The following YTHDF2 variants were observed in gnomAD, a reference collection of about 807,000 sequenced individuals.
The protein encoded by YTHDF2 is YTH N6-methyladenosine RNA binding protein F2, also known as YTH domain-containing family protein 2.
A neutral mutation model predicts 50.4 loss-of-function variants in YTHDF2; 2 were observed. That is an observed-to-expected ratio of 0.04 (90% CI 0.02 to 0.12). The LOEUF (loss-of-function observed/expected upper bound fraction) is 0.12, where lower values mean the gene tolerates loss of function less well. Among genes scored for constraint, YTHDF2 ranks in the 10% least tolerant of loss-of-function variants. The probability of loss-of-function intolerance (pLI) is 1.00; values close to 1 mark genes in which losing one functional copy is unlikely to be tolerated. For missense variants in YTHDF2, 483 were observed against 722.6 expected, an observed-to-expected ratio of 0.67 and a Z score of 3.80; for synonymous variants, 217 against 255.6, an observed-to-expected ratio of 0.85 and a Z score of 1.44.
chr1:28,762,049 C>A (rs2088143615), intron 4 of YTHDF2, among the ~76,000 whole-genome samples: 1 of 152,034 alleles, frequency 6.6e-6, no homozygotes, highest in African/African-American at 2.4e-5. Context: ...TTCTATTAAA[C>A]CATATCAAGC....
At chr1:28,755,912 T>G (rs1237382942) in intron 4 of YTHDF2, among the ~76,000 whole-genome samples, 2 of 152,130 alleles carry the variant, frequency 1.3e-5, no homozygotes, top group African/African-American at 2.4e-5. Context: ...GAATTTCAGA[T>G]AGGGGATACA....
At chr1:28,758,399 G>C (rs563421562) in intron 4 of YTHDF2, among the ~76,000 whole-genome samples, 1 of 152,258 alleles carries the variant, frequency 6.6e-6, no homozygotes, top group African/African-American at 2.4e-5. Context: ...TGCTAACTGT[G>C]TTTTAGTATC....
In YTHDF2 at chr1:28,743,470, C is replaced by T. The variant is rs776814236; in HGVS notation, c.1200C>T (p.Pro400=). The change falls in exon 4 of 5, where the codon CCC becomes CCT. Residue 400 remains proline, a synonymous_variant. Transcript: ENST00000373812. The surrounding 1 kb of genome is among the most constrained non-coding windows in gnomAD (Gnocchi z 6.9). ...TTCGGTCCATTAATAACTATAACCC[C>T]AAAGATTTTGACTGGAATCTGAAAC... ...EKLRSINNYN[P]KDFDWNLKHG... is the part of the protein sequence containing the mutation. 3.1e-6 allele frequency: 5 copies of T among 1,614,144 alleles called. No homozygotes were observed. The Admixed American group carries it at 8.3e-5, about 27-fold the overall frequency.
intron 4 of YTHDF2, among the ~76,000 whole-genome samples, chr1:28,749,989 T>TG (rs2087925801): frequency 7.1e-6 from 1 of 141,434 alleles, no homozygotes; most frequent in Admixed American, 7.1e-5. Context: ...AAAGGTTGTT[T>TG]TTTTTTTTTT....
chr1:28,764,277 T>A (rs2088183687), intron 4 of YTHDF2, among the ~76,000 whole-genome samples: 1 of 147,740 alleles, frequency 6.8e-6, no homozygotes, highest in Admixed American at 6.8e-5. Context: ...TTTATTTTTA[T>A]TTTTATTTTT....
chr1:28,751,754 G>A (rs1305851732), intron 4 of YTHDF2, among the ~76,000 whole-genome samples: 1 of 152,182 alleles, frequency 6.6e-6, no homozygotes, highest in Non-Finnish European at 1.5e-5. Flanking sequence ...GAAGCAGAGG[G>A]TTTTAGGAGG....
chr1:28,757,149 C>T (rs758293507), intron 4 of YTHDF2, among the ~76,000 whole-genome samples: 25 of 152,214 alleles, frequency 1.6e-4, no homozygotes, highest in African/African-American at 6.0e-4. Context: ...ACTGATTTAA[C>T]TCCAGTTAGC....
In YTHDF2 at chr1:28,743,022, C is replaced by T. The variant is rs1385899708; in HGVS notation, c.752C>T (p.Pro251Leu). 1.2e-6 allele frequency: 2 copies of T among 1,614,198 alleles called. No homozygotes were observed. Among genetic ancestry groups the T allele is most frequent in the East Asian group, 2.2e-5 (1 of 44,888 alleles). Residue 251 changes from proline to leucine, a missense_variant, in exon 4 of 5, where the codon CCT (proline) becomes CTT (leucine). By Grantham distance (98) the Pro-to-Leu change is moderately conservative (BLOSUM62 -3). Around this residue, in one of 4 missense-constraint regions of YTHDF2, gnomAD observed 385 missense variants for 475.8 expected, o/e 0.81. Coordinates refer to ENST00000373812, the MANE Select transcript of YTHDF2 (RefSeq NM_016258.3). The surrounding 1 kb of genome is among the most constrained non-coding windows in gnomAD (Gnocchi z 6.9). ...DIASKPAKQQ[P>L]KLKTKNGIAG... is the part of the protein sequence containing the mutation. ...GCTAGCAAGCCTGCAAAACAGCAAC[C>T]TAAACTGAAGACCAAGAATGGCATT...
Position 28,769,561 on chromosome 1 carries a change from G to A in YTHDF2, c.*609G>A, listed in dbSNP as rs184502359. ...GAGTCCTAAGAAATGTTCTGTTCTT[G>A]TACATTATACTGATTAAGTCAGGAT... On this transcript the variant is annotated 3_prime_UTR_variant, in exon 5 of 5. Coordinates refer to ENST00000373812, the MANE Select transcript of YTHDF2 (RefSeq NM_016258.3). 6.6e-6 allele frequency: 1 copy of A among 152,610 alleles called. No individual in the cohort carries two copies. The highest frequency in any genetic ancestry group is 1.5e-5 in the Non-Finnish European group (1 of 68,050). The allele number at this position is 152,610 out of a possible 1,614,324, so 9.5% of individuals were successfully genotyped here. A position where few individuals can be genotyped will look rare whatever the true frequency, so the allele number is the denominator to read the frequency against.
At chr1:28,760,267 T>C (rs1424766899) in intron 4 of YTHDF2, among the ~76,000 whole-genome samples, 1 of 135,000 alleles carries the variant, frequency 7.4e-6, no homozygotes, top group Non-Finnish European at 1.5e-5. Flanking sequence ...AATAACATAG[T>C]AGGTTGTGTG....
rs2087699448 is a variant in YTHDF2, at chr1:28,737,062, C to T, written c.-59C>T. ...GCTCCCGCAGACGGGGCTCATCTGC[C>T]GCCGCCGCCGCGCTGAGGAGAGTTC... On this transcript the variant is annotated 5_prime_UTR_variant, in exon 1 of 5. Transcript: ENST00000373812. 2.8e-6 allele frequency: 4 copies of T among 1,423,048 alleles called. No homozygotes were observed. The highest frequency in any genetic ancestry group is 1.5e-5 in the South Asian group (1 of 67,782). The allele number at this position is 1,423,048 out of a possible 1,614,324, so 88.2% of individuals were successfully genotyped here.
In YTHDF2 at chr1:28,737,277, C is replaced by T. The variant is rs543068726; in HGVS notation, c.27+130C>T. ...GTCTCTTGCGGGCCAGGTTTCGGGC[C>T]TCTCAGGCCGGCCGCGCCCGGCGCC... On this transcript the variant is annotated intron_variant, in intron 1 of 4. Coordinates refer to ENST00000373812, the MANE Select transcript of YTHDF2 (RefSeq NM_016258.3). 232 of 1,261,796 alleles carry T rather than the reference C, an allele frequency of 1.8e-4. No homozygotes were observed. The African/African-American group carries it at 3.2e-3, about 18-fold the overall frequency. The allele number at this position is 1,261,796 out of a possible 1,614,324, so 78.2% of individuals were successfully genotyped here. A position where few individuals can be genotyped will look rare whatever the true frequency, so the allele number is the denominator to read the frequency against.
At chr1:28,737,219 G>T (rs1570457498) in intron 1 of YTHDF2, 72 bp downstream of exon 1, 1 of 1,498,028 alleles carries the variant, frequency 6.7e-7, no homozygotes, top group East Asian at 2.7e-5. Context: ...CGGGCCCGCC[G>T]CTCCTGGGCA....
intron 4 of YTHDF2, among the ~76,000 whole-genome samples, chr1:28,747,518 T>G (rs1373767817): frequency 7.8e-6 from 1 of 128,284 alleles, no homozygotes; most frequent in Non-Finnish European, 1.7e-5. Flanking sequence ...AGAGCAAAAC[T>G]TGTCTAAAAA....
At chr1:28,749,986 G>T (rs140945277) in intron 4 of YTHDF2, among the ~76,000 whole-genome samples, 945 of 78,362 alleles carry the variant, frequency 0.012, 7 homozygotes, top group African/African-American at 0.036. Flanking sequence ...AAAAAAGGTT[G>T]TTTTTTTTTT....
At chr1:28,748,971 G>A (rs2087906436) in intron 4 of YTHDF2, among the ~76,000 whole-genome samples, 1 of 152,126 alleles carries the variant, frequency 6.6e-6, no homozygotes, top group Admixed American at 6.5e-5. Context: ...GTAGTTAAAT[G>A]TGTCAAAGGT....
chr1:28,756,215 A>G (rs1346951820), intron 4 of YTHDF2, among the ~76,000 whole-genome samples: 3 of 152,192 alleles, frequency 2.0e-5, no homozygotes, highest in African/African-American at 7.2e-5. Context: ...ACTATGTAAA[A>G]ATGTCTGAAA....
At chr1:28,745,747 T>G (rs2087849694) in intron 4 of YTHDF2, among the ~76,000 whole-genome samples, 1 of 94,928 alleles carries the variant, frequency 1.1e-5, no homozygotes, top group African/African-American at 4.2e-5. Flanking sequence ...AAAAAAAAAC[T>G]AACATATTTT....
At chr1:28,764,224 T>A (rs991037177) in intron 4 of YTHDF2, among the ~76,000 whole-genome samples, 1 of 151,862 alleles carries the variant, frequency 6.6e-6, no homozygotes, top group Non-Finnish European at 1.5e-5. Context: ...GTGCTGGGAT[T>A]ACAGGCATGA....
Sources: allele counts gnomAD v4.1 joint callset (sites outside exome capture counted in the v4.1 genomes callset), GRCh38; gene constraint gnomAD v4.1.1; regional missense constraint gnomAD v4.1.1; non-coding constraint Gnocchi (gnomAD v3.1); transcripts MANE v1.5; gene names NCBI Gene and HGNC (gene_info 2026-07-23, HGNC 2026-07-21).